The following RGS7BP variants were observed in gnomAD, a reference collection of about 807,000 sequenced individuals.
The protein encoded by RGS7BP is regulator of G protein signaling 7-binding protein.
In RGS7BP, 9 loss-of-function variants were observed where a neutral mutation model predicts 31.3. The ratio of observed to expected loss-of-function variants is 0.29; its 90% CI spans 0.17 to 0.50. The LOEUF (loss-of-function observed/expected upper bound fraction) is 0.50. Among genes scored for constraint, RGS7BP ranks in the 20% least tolerant of loss-of-function variants. The pLI is 0.98. For synonymous variants in RGS7BP, 115 were observed against 120.1 expected (o/e 0.96, Z 0.28); for missense variants, 274 against 322.0 (o/e 0.85, Z 1.14).
intron 2 of RGS7BP, chr5:64,573,651 G>T (rs995001577): frequency 3.3e-5 from 5 of 151,262 alleles, no homozygotes; most frequent in Admixed American, 2.0e-4. Flanking sequence ...ATGCAAATTT[G>T]TGAAGCATTA....
chr5:64,596,790 C>A (rs1473542447), intron 4 of RGS7BP, among the ~76,000 whole-genome samples: 3 of 152,134 alleles, frequency 2.0e-5, no homozygotes, highest in African/African-American at 7.2e-5. Flanking sequence ...GACTTGAGTT[C>A]CTCTTCACAT....
chr5:64,595,928 A>G (rs992987978), intron 4 of RGS7BP, among the ~76,000 whole-genome samples: 2 of 152,212 alleles, frequency 1.3e-5, no homozygotes, highest in African/African-American at 4.8e-5. Flanking sequence ...TGGATTTTGT[A>G]TAAGCTTGGA....
chr5:64,558,663 G>A (rs755212371), intron 2 of RGS7BP, among the ~76,000 whole-genome samples: 17 of 152,108 alleles, frequency 1.1e-4, no homozygotes, highest in Non-Finnish European at 2.4e-4. Flanking sequence ...ATAACCATTA[G>A]GTTTGACTGC....
At chr5:64,537,110 T>C (rs1329275695) in intron 2 of RGS7BP, among the ~76,000 whole-genome samples, 1 of 152,178 alleles carries the variant, frequency 6.6e-6, no homozygotes, top group East Asian at 1.9e-4. Context: ...ATGAGTATGG[T>C]TCTTGCCAGA....
At chr5:64,527,926 AAGAG>A (rs1055036278) in intron 2 of RGS7BP, among the ~76,000 whole-genome samples, 43 of 152,298 alleles carry the variant, frequency 2.8e-4, no homozygotes, top group African/African-American at 9.4e-4. Context: ...GGTAAATACT[AAGAG>A]AGAGAAAAAA....
chr5:64,515,154 G>A (rs2111884329), intron 2 of RGS7BP, among the ~76,000 whole-genome samples: 1 of 152,228 alleles, frequency 6.6e-6, no homozygotes, highest in African/African-American at 2.4e-5. Context: ...TGTTCATTAA[G>A]TTTACTTGGT....
chr5:64,582,885 A>T (rs941383718), intron 3 of RGS7BP, among the ~76,000 whole-genome samples: 1 of 152,224 alleles, frequency 6.6e-6, no homozygotes, highest in Non-Finnish European at 1.5e-5. Context: ...CAAAATAAAG[A>T]CAGAAATAGA....
chr5:64,582,828 T>C (rs1742638246), intron 3 of RGS7BP, among the ~76,000 whole-genome samples: 1 of 152,112 alleles, frequency 6.6e-6, no homozygotes, highest in South Asian at 2.1e-4. Context: ...TTCAGCATCA[T>C]ATTAAGAAAT....
chr5:64,572,644 G>A (rs902399768), intron 2 of RGS7BP, among the ~76,000 whole-genome samples: 2 of 151,924 alleles, frequency 1.3e-5, no homozygotes, highest in African/African-American at 4.8e-5. Context: ...TGCAACCTTA[G>A]CATCAATTAA....
chr5:64,540,163 G>T (rs181336102), intron 2 of RGS7BP, among the ~76,000 whole-genome samples: 172 of 151,998 alleles, frequency 1.1e-3, no homozygotes, highest in African/African-American at 4.0e-3. Flanking sequence ...TAAATAATAT[G>T]CATTTTTACT....
At chr5:64,514,652 C>T (rs1580385411) in intron 2 of RGS7BP, among the ~76,000 whole-genome samples, 1 of 152,080 alleles carries the variant, frequency 6.6e-6, no homozygotes, top group South Asian at 2.1e-4. Context: ...TAAAGGTAAA[C>T]CAAAACCCAG....
rs1749212120 is a variant in RGS7BP, at chr5:64,525,514, A to G, written c.332+17637A>G. ...GGTGGACCCCACTATGACTGTGGAT[A>G]TTCTAGTGATTTGCAAGATGTAATG... is the stretch of plus-strand genomic sequence containing the variant. On this transcript the variant is annotated intron_variant, in intron 2 of 5. Transcript: ENST00000334025. 2.0e-5 allele frequency among the ~76,000 whole-genome samples: 3 copies of G among 152,208 alleles called. No individual in the cohort carries two copies. The South Asian group carries it at 6.2e-4, about 32-fold the overall frequency.
rs1478970048 is a variant in RGS7BP at position 64,575,788 on chromosome 5, A to C, written c.347A>C (p.Glu116Ala). ...LAAISGPEDG[E>A]IHPEICRLYI... The stretch of plus-strand genomic sequence containing the variant: ...TTCTGTTGCAGCCCGGAAGATGGTG[A>C]GATCCATCCAGAAATCTGTCGGCTT... Residue 116 changes from glutamate to alanine, a missense_variant, in exon 3 of 6, where the codon GAG becomes GCG. Coordinates refer to ENST00000334025, the MANE Select transcript of RGS7BP (RefSeq NM_001029875.3). The C allele has an allele frequency of 6.2e-7, 1 of 1,611,134 alleles. No individual in the cohort carries two copies. The highest frequency in any genetic ancestry group is 8.5e-7 in the Non-Finnish European group (1 of 1,178,862).
chr5:64,530,411 C>A (rs1218175736), intron 2 of RGS7BP, among the ~76,000 whole-genome samples: 1 of 152,166 alleles, frequency 6.6e-6, no homozygotes, highest in Non-Finnish European at 1.5e-5. Context: ...TTTAAAAGTG[C>A]TTTCGTGATA....
intron 2 of RGS7BP, among the ~76,000 whole-genome samples, chr5:64,550,071 C>T (rs1209875285): frequency 6.6e-6 from 1 of 152,144 alleles, no homozygotes; most frequent in African/African-American, 2.4e-5. Context: ...GATACCTTAC[C>T]AGAATCACCC....
At chr5:64,585,156 C>T (rs1336145327) in intron 3 of RGS7BP, among the ~76,000 whole-genome samples, 1 of 152,098 alleles carries the variant, frequency 6.6e-6, no homozygotes, top group Admixed American at 6.5e-5. Context: ...GCCCTGCAAG[C>T]CTGTTCAGTG....
At chr5:64,592,860 C>T (rs1337297654) in intron 3 of RGS7BP, among the ~76,000 whole-genome samples, 3 of 152,098 alleles carry the variant, frequency 2.0e-5, no homozygotes, top group Non-Finnish European at 4.4e-5. Flanking sequence ...TGCTGCTTCC[C>T]CTCATCTCAG....
intron 3 of RGS7BP, among the ~76,000 whole-genome samples, chr5:64,585,959 G>A (rs1448924663): frequency 1.3e-5 from 2 of 151,990 alleles, no homozygotes; most frequent in South Asian, 2.1e-4. Flanking sequence ...TTTGTTCACC[G>A]AGGCCTGAAA....
intron 5 of RGS7BP, among the ~76,000 whole-genome samples, chr5:64,604,330 T>TC (rs145580048): frequency 9.9e-5 from 15 of 152,068 alleles, no homozygotes; most frequent in South Asian, 4.2e-4. Context: ...GGGAGGAATC[T>TC]CCCCCCCTTC....
Sources: allele counts gnomAD v4.1 joint callset (sites outside exome capture counted in the v4.1 genomes callset), GRCh38; gene constraint gnomAD v4.1.1; transcripts MANE v1.5; gene names NCBI Gene and HGNC (gene_info 2026-07-23, HGNC 2026-07-21).